The following RBPJ variants were observed in gnomAD, a reference collection of about 807,000 sequenced individuals.
RBPJ encodes the protein recombination signal binding protein for immunoglobulin kappa J region.
RBPJ carries 9 observed loss-of-function variants against 67.8 expected under a neutral mutation model. The ratio of observed to expected loss-of-function variants is 0.13; its 90% confidence interval spans 0.08 to 0.23. The LOEUF is 0.23. Among genes scored for constraint, RBPJ ranks in the 10% least tolerant of loss-of-function variants. The pLI is 1.00. For synonymous variants in RBPJ, 198 were observed against 203.3 expected (o/e 0.97, Z 0.22); for missense variants, 305 against 595.6 (o/e 0.51, Z 5.08).
intron 1 of RBPJ, among the ~76,000 whole-genome samples, chr4:26,358,720 C>T (rs1727681899): frequency 6.6e-6 from 1 of 151,378 alleles, no homozygotes. Context: ...GAGGTTGAGG[C>T]TGCAGTGAGC....
chr4:26,385,888 G>A lies in RBPJ; in HGVS notation c.21-465G>A, dbSNP rs192623466. ...CACGATCATGACTCACTGCACCCTT[G>A]AACCCTTGGGCTCAGTCTCTTGTCC... On this transcript the variant is annotated intron_variant, in intron 1 of 10. Coordinates refer to ENST00000355476, the MANE Select transcript of RBPJ (RefSeq NM_015874.6). 2.0e-3 allele frequency among the ~76,000 whole-genome samples: 297 copies of A among 151,594 alleles called. 3 individuals are homozygous for A. The highest frequency in any genetic ancestry group is 6.9e-3 in the African/African-American group (286 of 41,288).
the RBPJ span, among the ~76,000 whole-genome samples, chr4:26,129,710 C>G: frequency 3.3e-5 from 5 of 152,244 alleles, no homozygotes; most frequent in Non-Finnish European, 7.4e-5. Context: ...CAACCAGCAT[C>G]TGTATAATGG....
intron 1 of RBPJ, among the ~76,000 whole-genome samples, chr4:26,222,050 G>C (rs550812888): frequency 6.6e-6 from 1 of 152,322 alleles, no homozygotes; most frequent in Admixed American, 6.5e-5. Flanking sequence ...ACTTTGACGA[G>C]GGGCCCTAGA....
At position 26,310,354 on chromosome 4, in the gene RBPJ, C is replaced by A. The variant is rs532443909; in HGVS notation, c.-166-52092C>A. On this transcript the variant is annotated intron_variant, in intron 1 of 4. Transcript: ENST00000512351. ...GGATAATGTTATGAATATAAGAGAA[C>A]CATAAAGATGAACAAAAAAAACATG... is the stretch of plus-strand genomic sequence containing the variant. Among the ~76,000 whole-genome samples the A allele has an allele frequency of 9.9e-5, 15 of 152,154 alleles. No homozygotes were observed. In the South Asian group the frequency reaches 1.5e-3, roughly 15 times the overall value.
At chr4:26,305,378 T>A (rs148561949) in intron 1 of RBPJ, among the ~76,000 whole-genome samples, 2 of 152,362 alleles carry the variant, frequency 1.3e-5, no homozygotes, top group East Asian at 3.9e-4. Context: ...GGGATTTTGA[T>A]AGTGATTGCA....
the RBPJ span, among the ~76,000 whole-genome samples, chr4:26,107,729 C>T: frequency 1.3e-5 from 2 of 152,160 alleles, no homozygotes; most frequent in Admixed American, 6.5e-5. Context: ...GAAACCCTAT[C>T]TCTACTAAAA....
At chr4:26,306,631 A>T (rs1722249135) in intron 1 of RBPJ, among the ~76,000 whole-genome samples, 1 of 151,686 alleles carries the variant, frequency 6.6e-6, no homozygotes, top group Admixed American at 6.6e-5. Flanking sequence ...TTGTATTTTT[A>T]GTAGAGGCGG....
chr4:26,426,739 C>T (rs773607231), intron 7 of RBPJ, among the ~76,000 whole-genome samples: 3 of 152,030 alleles, frequency 2.0e-5, no homozygotes, highest in Admixed American at 6.5e-5. Context: ...GTCAAAGAAC[C>T]GGTAATTGAG....
chr4:26,327,432 A>G (rs1723743791), intron 1 of RBPJ, among the ~76,000 whole-genome samples: 1 of 152,170 alleles, frequency 6.6e-6, no homozygotes, highest in Non-Finnish European at 1.5e-5. Context: ...AAAATAAAAT[A>G]TAGAAAACAC....
chr4:26,191,924 C>CT (rs987002400), intron 1 of RBPJ, among the ~76,000 whole-genome samples: 13 of 152,074 alleles, frequency 8.5e-5, no homozygotes, highest in Non-Finnish European at 1.6e-4. Flanking sequence ...GCAGGCCTTT[C>CT]TAGGGATACC....
rs563820686 is a variant in RBPJ, at chr4:26,220,736, TC to T, written c.-167+57125del. ...CATAGGAATACTGCTAGTATAATCA[TC>T]CCTATCTCCACAGATGAGGAACCAG... On this transcript the variant is annotated intron_variant, in intron 1 of 4. Coordinates refer to the RBPJ transcript ENST00000512351. Among the ~76,000 whole-genome samples, 440 of 152,314 alleles carry T rather than the reference TC, an allele frequency of 2.9e-3. 2 individuals carry two copies. Among genetic ancestry groups the T allele is most frequent in the Non-Finnish European group, 5.1e-3 (346 of 68,022 alleles).
upstream of RBPJ, among the ~76,000 whole-genome samples, chr4:26,158,974 TCTCTCTCTCA>T (rs1716028947): frequency 6.6e-6 from 1 of 151,482 alleles, no homozygotes; most frequent in South Asian, 2.1e-4. Context: ...TCTCTCTCTC[TCTCTCTCTCA>T]ATTTAGTCCC....
At chr4:26,169,515 G>T (rs961264345) in intron 1 of RBPJ, among the ~76,000 whole-genome samples, 1 of 152,176 alleles carries the variant, frequency 6.6e-6, no homozygotes, top group Admixed American at 6.5e-5. Context: ...CTGCTCGGGG[G>T]TCAGGGGTCA....
Position 26,243,575 on chromosome 4 carries a change from A to G in RBPJ, c.-167+79961A>G, listed in dbSNP as rs542486860. Among the ~76,000 whole-genome samples the G allele has an allele frequency of 3.3e-5, 5 of 152,312 alleles. No homozygotes were observed. The East Asian group carries it at 5.8e-4, about 18-fold the overall frequency. On this transcript the variant is annotated intron_variant, in intron 1 of 4. Transcript: ENST00000512351. ...GATCTGCATAATTTAGTAAACCAAT[A>G]TTTTCCAAATGACAAAGCATGATGC...
chr4:26,292,438 T>C (rs1721701277), intron 1 of RBPJ, among the ~76,000 whole-genome samples: 2 of 150,512 alleles, frequency 1.3e-5, no homozygotes, highest in Non-Finnish European at 3.0e-5. Context: ...TATATTTTTA[T>C]GAGATGGAGT....
At chr4:26,315,167 A>AAAAAAAAAAAAAAT (rs1325689348), upstream of RBPJ, among the ~76,000 whole-genome samples, 3 of 74,774 alleles carry the variant, frequency 4.0e-5, no homozygotes, top group African/African-American at 6.7e-5. Context: ...AAAAAAAAAA[A>AAAAAAAAAAAAAAT]ATATATATAT....
intron 1 of RBPJ, among the ~76,000 whole-genome samples, chr4:26,268,967 T>C (rs1720792135): frequency 6.6e-6 from 1 of 152,210 alleles, no homozygotes; most frequent in Admixed American, 6.5e-5. Flanking sequence ...ACACTTTGAA[T>C]TAATTTTGCT....
At chr4:26,105,834 C>T in the RBPJ span, among the ~76,000 whole-genome samples, 5 of 152,116 alleles carry the variant, frequency 3.3e-5, no homozygotes, top group African/African-American at 1.2e-4. Flanking sequence ...GGGTTTTATT[C>T]TTTCTGATTT....
At chr4:26,282,871 A>T (rs573877429) in intron 1 of RBPJ, among the ~76,000 whole-genome samples, 17 of 151,442 alleles carry the variant, frequency 1.1e-4, no homozygotes, top group African/African-American at 3.6e-4. Flanking sequence ...ATAAAAGGAA[A>T]TACAGAGTTG....
Sources: allele counts gnomAD v4.1 joint callset (sites outside exome capture counted in the v4.1 genomes callset), GRCh38; gene constraint gnomAD v4.1.1; transcripts MANE v1.5; gene names NCBI Gene and HGNC (gene_info 2026-07-23, HGNC 2026-07-21).